The following BRWD1 variants were observed in gnomAD, a reference collection of about 807,000 sequenced individuals.
BRWD1 encodes bromodomain and WD repeat domain containing 1.
Under a neutral mutation model 251.2 loss-of-function variants are expected in BRWD1, and 82 were observed. The observed-to-expected ratio is 0.33, with a 90% confidence interval of 0.27 to 0.39. The LOEUF is 0.39. BRWD1 is among the 10% of genes least tolerant of loss of function. The pLI, the probability that BRWD1 is intolerant of heterozygous loss-of-function variation, is 1.00. For synonymous variants in BRWD1, 918 were observed against 902.8 expected, an observed-to-expected ratio of 1.02 and a Z score of -0.30; for missense variants, 2,233 against 2,711.6, an observed-to-expected ratio of 0.82 and a Z score of 3.92.
chr21:39,254,082 C>T (rs2146621011), intron 19 of BRWD1, among the ~76,000 whole-genome samples: 1 of 152,246 alleles, frequency 6.6e-6, no homozygotes, highest in East Asian at 1.9e-4. Flanking sequence ...GCCTGACCAA[C>T]ATGGAGAAAC....
At position 39,187,387 on chromosome 21, in the gene BRWD1, G is replaced by T. The variant is rs2031299957; in HGVS notation, c.*8872C>A. On this transcript the variant is annotated 3_prime_UTR_variant, in exon 41 of 41. Coordinates refer to ENST00000342449, the MANE Select transcript of BRWD1 (RefSeq NM_033656.4). ...ATTATGCATACATGTTCTCACTTTT[G>T]TATTGGGTTCTCTGTCTCTAGGAAC... is the stretch of plus-strand genomic sequence containing the variant. 1.9e-6 allele frequency: 3 copies of T among 1,589,386 alleles called. 1 individual carries two copies. In the South Asian group the frequency reaches 3.5e-5, roughly 18 times the overall value.
Position 39,193,904 on chromosome 21 carries a change from C to G in BRWD1, c.*2355G>C. 1.0e-6 allele frequency: 1 copy of G among 985,350 alleles called. No homozygotes were observed. The highest frequency in any genetic ancestry group is 4.7e-5 in the South Asian group (1 of 21,274). 61.0% of individuals were successfully genotyped at this position (985,350 alleles called of 1,614,324 possible). On this transcript the variant is annotated 3_prime_UTR_variant, in exon 41 of 41. Transcript: ENST00000342449. Reference sequence around the variant, plus strand: ...GTGTGTGTCACATATTCAAAGTTAACCTTAGGAATAGCACCATAACCAAAA... The same window carrying G: ...GTGTGTGTCACATATTCAAAGTTAAGCTTAGGAATAGCACCATAACCAAAA...
intron 25 of BRWD1, among the ~76,000 whole-genome samples, chr21:39,230,625 C>T (rs2033575992): frequency 6.6e-6 from 1 of 152,094 alleles, no homozygotes; most frequent in Admixed American, 6.5e-5. Context: ...TGAAGCTTAT[C>T]TAACATACCT....
chr21:39,262,056 AATATTTTCAGAGAT>A (rs1739908390), intron 17 of BRWD1, among the ~76,000 whole-genome samples: 1 of 152,256 alleles, frequency 6.6e-6, no homozygotes, highest in African/African-American at 2.4e-5. Flanking sequence ...CAAAACAAAA[AATATTTTCAGAGAT>A]ACAGAGAAAC....
At chr21:39,286,875 T>C (rs568719531) in intron 8 of BRWD1, among the ~76,000 whole-genome samples, 1 of 152,306 alleles carries the variant, frequency 6.6e-6, no homozygotes, top group East Asian at 1.9e-4. Flanking sequence ...ATAGTGTTCA[T>C]TTTCTGCAAA....
At chr21:39,293,295 C>T (rs997960541) in intron 8 of BRWD1, among the ~76,000 whole-genome samples, 5 of 152,072 alleles carry the variant, frequency 3.3e-5, no homozygotes, top group Non-Finnish European at 7.4e-5. Context: ...GAGTTCGAGA[C>T]CAGCCTGCCC....
At chr21:39,301,169 G>C (rs1343595540) in intron 4 of BRWD1, among the ~76,000 whole-genome samples, 1 of 146,818 alleles carries the variant, frequency 6.8e-6, no homozygotes, top group Non-Finnish European at 1.5e-5. Context: ...ACAGAGCAAG[G>C]CTCCCACAAA....
chr21:39,187,419 T>C lies in BRWD1; in HGVS notation c.*8840A>G. The C allele has an allele frequency of 6.5e-7, 1 of 1,544,628 alleles. No individual in the cohort carries two copies. Among genetic ancestry groups the C allele is most frequent in the Non-Finnish European group, 8.7e-7 (1 of 1,149,078 alleles). ...GTTCTCTGTCTCTAGGAACAAATTC[T>C]GAAAAATGAGTGAAAGTTCATGTAA... On this transcript the variant is annotated 3_prime_UTR_variant, in exon 41 of 41. Coordinates refer to ENST00000342449, the MANE Select transcript of BRWD1 (RefSeq NM_033656.4).
intron 4 of BRWD1, among the ~76,000 whole-genome samples, chr21:39,306,167 T>C (rs1319394649): frequency 2.0e-5 from 3 of 151,586 alleles, no homozygotes; most frequent in African/African-American, 7.3e-5. Flanking sequence ...CTTCCCGGGT[T>C]CAAGTGATTC....
chr21:39,265,833 G>C (rs1346492063), intron 15 of BRWD1, among the ~76,000 whole-genome samples: 1 of 152,202 alleles, frequency 6.6e-6, no homozygotes, highest in Non-Finnish European at 1.5e-5. Flanking sequence ...ATATGAAAAA[G>C]TCTGCAGCCA....
At chr21:39,314,748 C>T (rs1021021421), upstream of BRWD1, 12 of 203,136 alleles carry the variant, frequency 5.9e-5, no homozygotes, top group Admixed American at 5.4e-5. Context: ...ACCACATAGA[C>T]GTTAAATGTG....
chr21:39,300,985 T>C (rs184001296), intron 4 of BRWD1, among the ~76,000 whole-genome samples: 2 of 152,206 alleles, frequency 1.3e-5, no homozygotes, highest in African/African-American at 2.4e-5. Flanking sequence ...GAGACCATCC[T>C]GGCTAACACG....
rs777337134 is a variant in BRWD1, at chr21:39,187,340, G to A, written c.*8919C>T. ...ATTTTTGCTTTCAGAGTTTCACTAG[G>A]CATCTGCACTGCATCCTTCTGATTA... On this transcript the variant is annotated 3_prime_UTR_variant, in exon 41 of 41. Transcript: ENST00000342449. 3 of 1,613,634 alleles carry A rather than the reference G, an allele frequency of 1.9e-6. No individual in the cohort carries two copies. Among genetic ancestry groups the A allele is most frequent in the African/African-American group, 2.7e-5 (2 of 74,850 alleles).
At chr21:39,277,870 A>G (rs1446156993) in intron 10 of BRWD1, among the ~76,000 whole-genome samples, 1 of 152,024 alleles carries the variant, frequency 6.6e-6, no homozygotes, top group Admixed American at 6.6e-5. Context: ...GGGGCGGGGA[A>G]CATGGTCTCA....
At chr21:39,277,215 A>G (rs900865514) in intron 11 of BRWD1, 36 bp downstream of exon 11, 2 of 1,468,822 alleles carry the variant, frequency 1.4e-6, no homozygotes, top group Admixed American at 3.6e-5. Flanking sequence ...TAGTATTAAC[A>G]ATTAATCTAA....
intron 4 of BRWD1, among the ~76,000 whole-genome samples, chr21:39,299,744 G>A (rs1176950520): frequency 2.6e-5 from 4 of 151,868 alleles, no homozygotes; most frequent in Non-Finnish European, 5.9e-5. Flanking sequence ...GGAGGCCGAG[G>A]CAGGTGGATC....
intron 37 of BRWD1, among the ~76,000 whole-genome samples, chr21:39,205,817 C>T (rs2032361555): frequency 6.6e-6 from 1 of 152,040 alleles, no homozygotes; most frequent in Admixed American, 6.5e-5. Flanking sequence ...TGGTGGCTCA[C>T]ACCTGTAATC....
At position 39,200,360 on chromosome 21, in the gene BRWD1, T is replaced by C. The variant is rs143089500; in HGVS notation, c.4612A>G (p.Thr1538Ala). 133 of 1,612,346 alleles carry C rather than the reference T, an allele frequency of 8.2e-5. 1 individual carries two copies. The African/African-American group carries it at 1.7e-3, about 20-fold the overall frequency. Residue 1538 changes from threonine to alanine, a missense_variant, in exon 39 of 41, where the codon ACC becomes GCC. Coordinates refer to ENST00000342449, the MANE Select transcript of BRWD1 (RefSeq NM_033656.4). ...SESEVEDSLATSLSSSASSSS... is the reference protein window; with the variant it reads ...SESEVEDSLAASLSSSASSSS... ...CTGGAAGCTGACGATGACAAAGAGG[T>C]AGCTAAAGAATCTTCCACTTCACTT...
In BRWD1 at chr21:39,197,194, T is replaced by A. The variant is rs765179769; in HGVS notation, c.5875A>T (p.Asn1959Tyr). The stretch of plus-strand genomic sequence containing the variant: ...AGATGGAGAGGTTTTTTCCTTCCAT[T>A]TTTGCTTCTAGTGTGCACATTTTCT... ...SLENVHTRSK[N>Y]GRKKPLHLAC... is the part of the protein sequence containing the mutation. The change falls in exon 41 of 41, where the codon AAT (asparagine) becomes TAT (tyrosine). Residue 1959 changes from asparagine to tyrosine, a missense_variant. By Grantham distance (143) the Asn-to-Tyr change is moderately radical. This residue lies in a region of BRWD1 where 928 missense variants were observed against 970.0 expected (regional missense o/e 0.96). Coordinates refer to ENST00000342449, the MANE Select transcript of BRWD1 (RefSeq NM_033656.4). 5 of 1,614,106 alleles carry A rather than the reference T, an allele frequency of 3.1e-6. No homozygotes were observed. The South Asian group carries it at 5.5e-5, about 18-fold the overall frequency.
Sources: gnomAD v4.1 joint callset for allele counts (sites outside exome capture counted in the v4.1 genomes callset) on GRCh38, gnomAD v4.1.1 for gene constraint, gnomAD v4.1.1 regional missense constraint, MANE v1.5 for transcripts, NCBI Gene and HGNC (gene_info 2026-07-23, HGNC 2026-07-21) for gene names.